CACNA1C: variants seen among roughly 807,000 people sequenced by gnomAD.
CACNA1C encodes calcium voltage-gated channel subunit alpha1 C.
In CACNA1C, 30 loss-of-function variants were observed where a neutral mutation model predicts 229.0. The ratio of observed to expected loss-of-function variants is 0.13; its 90% confidence interval spans 0.10 to 0.18. The LOEUF (loss-of-function observed/expected upper bound fraction) is 0.18. Ranked by LOEUF, CACNA1C falls within the 10% of genes least tolerant of loss-of-function variation. The pLI, the probability that CACNA1C is intolerant of heterozygous loss-of-function variation, is 1.00. For synonymous variants in CACNA1C, 1,114 were observed against 1,132.5 expected, an observed-to-expected ratio of 0.98 and a Z score of 0.33; for missense variants, 1,658 against 2,845.0, an observed-to-expected ratio of 0.58 and a Z score of 9.49.
intron 3 of CACNA1C, among the ~76,000 whole-genome samples, chr12:2,253,468 C>A (rs908130522): frequency 1.3e-5 from 2 of 152,206 alleles, no homozygotes; most frequent in Non-Finnish European, 2.9e-5. Context: ...GGAAGGCTCT[C>A]CAAGCAGCTC....
chr12:2,608,917 A>G lies in CACNA1C; in HGVS notation c.3558+205A>G, dbSNP rs539089525. Reference sequence around the variant, plus strand: ...ATTCCTGCAAACCCCAGATCTGGCAAATGTACTCAGCCAACAAATATCTAT... The same window carrying G: ...ATTCCTGCAAACCCCAGATCTGGCAGATGTACTCAGCCAACAAATATCTAT... On this transcript the variant is annotated intron_variant, in intron 27 of 46. Coordinates refer to ENST00000399655, the MANE Select transcript of CACNA1C (RefSeq NM_000719.7). The surrounding 1 kb of genome is among the most constrained non-coding windows in gnomAD (Gnocchi z 4.2). Among the ~76,000 whole-genome samples the G allele has an allele frequency of 8.5e-5, 13 of 152,336 alleles. No individual in the cohort carries two copies. The South Asian group carries it at 2.5e-3, about 29-fold the overall frequency.
At chr12:2,173,365 A>G (rs958562200) in intron 3 of CACNA1C, among the ~76,000 whole-genome samples, 1 of 152,206 alleles carries the variant, frequency 6.6e-6, no homozygotes, top group Non-Finnish European at 1.5e-5. Context: ...TTAATTGGCT[A>G]TCATGTGCTT....
At chr12:2,327,303 A>G (rs1209043310) in intron 3 of CACNA1C, among the ~76,000 whole-genome samples, 1 of 152,258 alleles carries the variant, frequency 6.6e-6, no homozygotes, top group Non-Finnish European at 1.5e-5. Flanking sequence ...TGCTGTACGT[A>G]TACTTCCTTT....
chr12:2,370,314 A>G (rs1567289370), intron 3 of CACNA1C, among the ~76,000 whole-genome samples: 2 of 152,256 alleles, frequency 1.3e-5, no homozygotes, highest in Admixed American at 1.3e-4. Context: ...AAGGTCTTTG[A>G]AATGTTCATA....
chr12:2,583,716 G>C (rs543907534), intron 15 of CACNA1C, among the ~76,000 whole-genome samples: 1 of 152,316 alleles, frequency 6.6e-6, no homozygotes, highest in Middle Eastern at 3.4e-3. Context: ...TGGAATCATA[G>C]AACCTACTAC....
chr12:2,321,700 G>A lies in CACNA1C; in HGVS notation c.478-127276G>A, dbSNP rs553601554. Among the ~76,000 whole-genome samples, 8 of 152,156 alleles carry A rather than the reference G, an allele frequency of 5.3e-5. No homozygotes were observed. In the South Asian group the frequency reaches 1.0e-3, roughly 20 times the overall value. On this transcript the variant is annotated intron_variant, in intron 3 of 46. Transcript: ENST00000399655. The stretch of plus-strand genomic sequence containing the variant: ...TAAAGTCATATGGGCTGGGAGGTGC[G>A]GGCTCTGAGAAGGTGACATTTGAGC...
rs2094938839 is a variant in CACNA1C, at chr12:2,651,275, G to C, written c.3946-365G>C. On this transcript the variant is annotated intron_variant, in intron 31 of 46. Coordinates refer to ENST00000399655, the MANE Select transcript of CACNA1C (RefSeq NM_000719.7). The surrounding 1 kb of genome is among the most constrained non-coding windows in gnomAD (Gnocchi z 5.4). ...CTGCTTCCTCAGCAGTGCAGAGGAG[G>C]GGTTCCCAGGGCAGCTGGCTCTGGG... 2 of 338,762 alleles carry C rather than the reference G, an allele frequency of 5.9e-6. No homozygotes were observed. Among genetic ancestry groups the C allele is most frequent in the African/African-American group, 4.1e-5 (2 of 48,210 alleles). 21.0% of individuals were successfully genotyped at this position (338,762 alleles called of 1,614,324 possible). A position where few individuals can be genotyped will look rare whatever the true frequency, so the allele number is the denominator to read the frequency against.
Position 2,004,566 on chromosome 12 carries a change from C to T in CACNA1C, c.139+33365C>T, listed in dbSNP as rs369181866. ...GGGAGGCCTTCCGGCTCCAGTCACC[C>T]CCACCCTCCTGCCCGCCGACAGACG... is the stretch of plus-strand genomic sequence containing the variant. On this transcript the variant is annotated intron_variant, in intron 1 of 46. Coordinates refer to the CACNA1C transcript ENST00000682462. 9 of 1,305,572 alleles carry T rather than the reference C, an allele frequency of 6.9e-6. No individual in the cohort carries two copies. The East Asian group carries it at 1.5e-4, about 22-fold the overall frequency. 80.9% of individuals were successfully genotyped at this position (1,305,572 alleles called of 1,614,324 possible).
intron 3 of CACNA1C, among the ~76,000 whole-genome samples, chr12:2,180,136 G>A (rs932192102): frequency 6.6e-6 from 1 of 152,358 alleles, no homozygotes; most frequent in African/African-American, 2.4e-5. Flanking sequence ...GTAAGGTTGA[G>A]CACACGGTAG....
intron 3 of CACNA1C, among the ~76,000 whole-genome samples, chr12:2,151,649 T>C (rs2154215444): frequency 6.6e-6 from 1 of 152,248 alleles, no homozygotes; most frequent in South Asian, 2.1e-4. Flanking sequence ...GAGCCAGGTT[T>C]GCAGAAATGG....
intron 3 of CACNA1C, among the ~76,000 whole-genome samples, chr12:2,376,575 G>A (rs889240419): frequency 2.0e-5 from 3 of 152,108 alleles, no homozygotes; most frequent in African/African-American, 4.8e-5. Flanking sequence ...AGCTGCTGGC[G>A]GCAAACTTTG....
intron 1 of CACNA1C, among the ~76,000 whole-genome samples, chr12:2,024,041 C>T (rs971787730): frequency 4.6e-5 from 7 of 152,164 alleles, no homozygotes. Flanking sequence ...CCAGTGCAGA[C>T]ATTGTAGGAG....
chr12:2,112,586 G>A (rs1188895891), intron 1 of CACNA1C, among the ~76,000 whole-genome samples: 1 of 152,202 alleles, frequency 6.6e-6, no homozygotes, highest in Non-Finnish European at 1.5e-5. Context: ...TCCAGGCCTT[G>A]AGGAGTGGAG....
At chr12:2,426,105 G>T (rs1490973141) in intron 3 of CACNA1C, among the ~76,000 whole-genome samples, 1 of 152,154 alleles carries the variant, frequency 6.6e-6, no homozygotes, top group African/African-American at 2.4e-5. Flanking sequence ...GGGAACACTG[G>T]TGAGAACTAA....
At chr12:2,366,302 C>A (rs867854419) in intron 3 of CACNA1C, among the ~76,000 whole-genome samples, 2 of 152,156 alleles carry the variant, frequency 1.3e-5, no homozygotes, top group African/African-American at 4.8e-5. Flanking sequence ...AATTACAACT[C>A]TTATCAACTT....
In CACNA1C at chr12:2,354,300, CA is replaced by C. The variant is rs2097291759; in HGVS notation, c.478-94675del. Among the ~76,000 whole-genome samples the C allele has an allele frequency of 6.6e-6, 1 of 152,212 alleles. No homozygotes were observed. Among genetic ancestry groups the C allele is most frequent in the Non-Finnish European group, 1.5e-5 (1 of 68,038 alleles). On this transcript the variant is annotated intron_variant, in intron 3 of 46. Coordinates refer to ENST00000399655, the MANE Select transcript of CACNA1C (RefSeq NM_000719.7). The surrounding 1 kb of genome is among the most constrained non-coding windows in gnomAD (Gnocchi z 4.6). Reference sequence around the variant, plus strand: ...CAGAAGCCCTGCAGAGCAGGAAACACAGAGCAGAAAGCCACGCACACAGCTT... The same window carrying C: ...CAGAAGCCCTGCAGAGCAGGAAACACGAGCAGAAAGCCACGCACACAGCTT...
At chr12:2,084,941 C>A (rs76934906) in intron 1 of CACNA1C, among the ~76,000 whole-genome samples, 2,112 of 152,286 alleles carry the variant, frequency 0.014, 51 homozygotes, top group African/African-American at 0.048. Flanking sequence ...TTGTTGAGGT[C>A]ATTTTTATTC....
chr12:2,348,273 C>T lies in CACNA1C; in HGVS notation c.478-100703C>T, dbSNP rs931487357. Among the ~76,000 whole-genome samples, 19 of 152,216 alleles carry T rather than the reference C, an allele frequency of 1.2e-4. No homozygotes were observed. Among genetic ancestry groups the T allele is most frequent in the African/African-American group, 4.6e-4 (19 of 41,464 alleles). ...AGGGGGGCAGGTCTGCAGCCCCTCCCCCACTGCAGGGCCAGGACAGGCCGT... is the reference window on the plus strand; with the variant it reads ...AGGGGGGCAGGTCTGCAGCCCCTCCTCCACTGCAGGGCCAGGACAGGCCGT... On this transcript the variant is annotated intron_variant, in intron 3 of 46. Transcript: ENST00000399655. This position sits in a 1 kb window ranked among gnomAD's most constrained non-coding sequence, Gnocchi z 4.7.
intron 7 of CACNA1C, among the ~76,000 whole-genome samples, chr12:2,495,618 C>T (rs1311847850): frequency 6.6e-6 from 1 of 152,228 alleles, no homozygotes; most frequent in Non-Finnish European, 1.5e-5. Context: ...GCAACAACTG[C>T]AACCACCAAT....
Sources: allele counts gnomAD v4.1 joint callset (sites outside exome capture counted in the v4.1 genomes callset), GRCh38; gene constraint gnomAD v4.1.1; non-coding constraint Gnocchi (gnomAD v3.1); transcripts MANE v1.5; gene names NCBI Gene and HGNC (gene_info 2026-07-23, HGNC 2026-07-21).